Variants in RAPGEF4 observed in about 807,000 individuals in gnomAD.
The protein encoded by RAPGEF4 is RAP guanine-nucleotide-exchange factor (GEF) 4.
A neutral mutation model predicts 147.9 loss-of-function variants in RAPGEF4; 66 were observed. The ratio of observed to expected loss-of-function variants is 0.45; its 90% CI spans 0.37 to 0.55. The LOEUF is 0.55. RAPGEF4 is among the 20% of genes least tolerant of loss of function. The pLI is 0.00. For missense variants in RAPGEF4, 1,071 were observed against 1,257.3 expected (o/e 0.85, Z 2.24); for synonymous variants, 419 against 442.7 (o/e 0.95, Z 0.67).
chr2:172,824,381 C>T (rs944152479), intron 4 of RAPGEF4, among the ~76,000 whole-genome samples: 1 of 152,204 alleles, frequency 6.6e-6, no homozygotes, highest in African/African-American at 2.4e-5. Flanking sequence ...TGGTAATTCA[C>T]CATTCCCCTT....
chr2:172,812,662 C>T (rs1396164219), intron 3 of RAPGEF4, among the ~76,000 whole-genome samples: 1 of 152,144 alleles, frequency 6.6e-6, no homozygotes, highest in African/African-American at 2.4e-5. Context: ...TTATACTTCG[C>T]AAATAACCAT....
chr2:172,848,860 A>C (rs1310878297), intron 4 of RAPGEF4, among the ~76,000 whole-genome samples: 3 of 152,204 alleles, frequency 2.0e-5, no homozygotes, highest in Non-Finnish European at 4.4e-5. Flanking sequence ...ATGTAATTGA[A>C]TCATATTTCT....
At chr2:172,735,558 TG>T (rs1230610331), upstream of RAPGEF4, 1 of 152,152 alleles carries the variant, frequency 6.6e-6, no homozygotes, top group Non-Finnish European at 1.5e-5. Flanking sequence ...CCTTGGCGCC[TG>T]CCCTCCCGCC....
At chr2:172,925,784 AG>A (rs1685246793) in intron 6 of RAPGEF4, among the ~76,000 whole-genome samples, 2 of 144,826 alleles carry the variant, frequency 1.4e-5, no homozygotes, top group Non-Finnish European at 3.0e-5. Flanking sequence ...AGAAAGAGAG[AG>A]AGAGAGAGAG....
intron 3 of RAPGEF4, among the ~76,000 whole-genome samples, chr2:172,808,097 T>A (rs1378336847): frequency 6.6e-6 from 1 of 152,224 alleles, no homozygotes; most frequent in Non-Finnish European, 1.5e-5. Context: ...CATTATTTAT[T>A]TGCAAGGCAC....
intron 6 of RAPGEF4, among the ~76,000 whole-genome samples, chr2:172,942,996 T>G (rs1687322021): frequency 6.6e-6 from 1 of 152,058 alleles, no homozygotes; most frequent in African/African-American, 2.4e-5. Flanking sequence ...GAAGTGTGTA[T>G]TAGAGGGCTT....
At chr2:172,901,943 G>A (rs1274610089) in intron 4 of RAPGEF4, among the ~76,000 whole-genome samples, 1 of 152,184 alleles carries the variant, frequency 6.6e-6, no homozygotes, top group East Asian at 1.9e-4. Flanking sequence ...ACCTGGGCAT[G>A]CCAATGACAG....
intron 11 of RAPGEF4, among the ~76,000 whole-genome samples, chr2:172,983,895 A>G (rs976677254): frequency 2.0e-5 from 3 of 152,162 alleles, no homozygotes; most frequent in Admixed American, 2.0e-4. Flanking sequence ...TAAGAGAGCC[A>G]GGCCTGGGAG....
chr2:172,949,471 A>C (rs1688001007), intron 6 of RAPGEF4, among the ~76,000 whole-genome samples: 1 of 152,218 alleles, frequency 6.6e-6, no homozygotes, highest in Non-Finnish European at 1.5e-5. Context: ...CAAGAAAATC[A>C]GGAATACCCT....
At chr2:172,794,362 A>G (rs1038395016) in intron 1 of RAPGEF4, among the ~76,000 whole-genome samples, 3 of 151,150 alleles carry the variant, frequency 2.0e-5, no homozygotes, top group Admixed American at 6.6e-5. Flanking sequence ...AAAAAAAAAA[A>G]AAAGAAAAAA....
At chr2:172,887,011 A>T (rs1338211407) in intron 4 of RAPGEF4, among the ~76,000 whole-genome samples, 1 of 152,050 alleles carries the variant, frequency 6.6e-6, no homozygotes, top group Non-Finnish European at 1.5e-5. Flanking sequence ...AACATGGTGA[A>T]ACCCTGTCTC....
chr2:172,812,966 T>A (rs2149600150), intron 3 of RAPGEF4, among the ~76,000 whole-genome samples: 1 of 152,364 alleles, frequency 6.6e-6, no homozygotes, highest in South Asian at 2.1e-4. Flanking sequence ...TTTGAGTGAA[T>A]TTGTTTGCAG....
At chr2:172,792,361 C>T (rs1238727266) in intron 1 of RAPGEF4, among the ~76,000 whole-genome samples, 1 of 152,180 alleles carries the variant, frequency 6.6e-6, no homozygotes, top group East Asian at 1.9e-4. Flanking sequence ...TTAGAAAGCC[C>T]TTCTGAAGGG....
intron 1 of RAPGEF4, among the ~76,000 whole-genome samples, chr2:172,753,875 T>TACACACAC (rs58877556): frequency 5.5e-5 from 8 of 146,474 alleles, no homozygotes; most frequent in East Asian, 2.0e-4. Flanking sequence ...ACAGTGTATG[T>TACACACAC]ACACACACAC....
At chr2:172,900,768 A>C (rs1374637412) in intron 4 of RAPGEF4, among the ~76,000 whole-genome samples, 1 of 152,148 alleles carries the variant, frequency 6.6e-6, no homozygotes, top group East Asian at 1.9e-4. Context: ...TTCTTATATA[A>C]CCATAAGACG....
chr2:173,050,757 CAA>C (rs34661805), intron 30 of RAPGEF4, among the ~76,000 whole-genome samples: 3 of 120,076 alleles, frequency 2.5e-5, no homozygotes, highest in African/African-American at 3.2e-5. Context: ...CATTTCTTAA[CAA>C]AAAAAAAAAA....
chr2:172,844,873 G>C (rs1183152373), intron 4 of RAPGEF4, among the ~76,000 whole-genome samples: 1 of 152,198 alleles, frequency 6.6e-6, no homozygotes, highest in Non-Finnish European at 1.5e-5. Context: ...TTTTATAGCT[G>C]ATAATCCTAA....
At chr2:173,036,959 T>C (rs1684096973) in intron 29 of RAPGEF4, among the ~76,000 whole-genome samples, 1 of 152,232 alleles carries the variant, frequency 6.6e-6, no homozygotes, top group African/African-American at 2.4e-5. Flanking sequence ...GTTGCTGAAA[T>C]GCACAAATGT....
chr2:172,737,294 TCA>T (rs1409366313), intron 1 of RAPGEF4, among the ~76,000 whole-genome samples: 2 of 152,198 alleles, frequency 1.3e-5, no homozygotes, highest in Admixed American at 1.3e-4. Flanking sequence ...AATAGTTAAA[TCA>T]CACAGGATTA....
Sources: allele counts gnomAD v4.1 joint callset (sites outside exome capture counted in the v4.1 genomes callset), GRCh38; gene constraint gnomAD v4.1.1; transcripts MANE v1.5; gene names NCBI Gene and HGNC (gene_info 2026-07-23, HGNC 2026-07-21).